Variants in INVS observed in about 807,000 individuals in gnomAD.
INVS encodes the protein inversin, also known as inversion of embryo turning homolog.
In INVS, 86 loss-of-function variants were observed where a neutral mutation model predicts 108.8. The ratio of observed to expected loss-of-function variants is 0.79; its 90% CI spans 0.66 to 0.95. The LOEUF is 0.95. INVS is among the 40% of genes least tolerant of loss of function. The pLI is 0.00. For synonymous variants in INVS, 455 were observed against 473.5 expected, an observed-to-expected ratio of 0.96 and a Z score of 0.51; for missense variants, 1,169 against 1,297.4, an observed-to-expected ratio of 0.90 and a Z score of 1.52.
rs1564198062 is a variant in INVS, at chr9:100,301,544, G to GA, written c.*872dup. 1.3e-5 allele frequency among the ~76,000 whole-genome samples: 2 copies of GA among 151,958 alleles called. No homozygotes were observed. Among genetic ancestry groups the GA allele is most frequent in the African/African-American group, 4.8e-5 (2 of 41,352 alleles). On this transcript the variant is annotated 3_prime_UTR_variant, in exon 17 of 17. Coordinates refer to ENST00000262457, the MANE Select transcript of INVS (RefSeq NM_014425.5). ...TTAAAATGCCATTTCTGTTGGCAGG[G>GA]AAGAATGAAACGGCACACATCCTAG...
chr9:100,178,733 G>A (rs562926027), intron 3 of INVS, among the ~76,000 whole-genome samples: 2 of 152,312 alleles, frequency 1.3e-5, no homozygotes, highest in South Asian at 2.1e-4. Flanking sequence ...TATTATCCGG[G>A]AGAACTTTCC....
chr9:100,246,698 C>A lies in INVS; in HGVS notation c.989C>A (p.Ala330Asp), dbSNP rs1233041318. The change falls in exon 8 of 17, where the codon GCT becomes GAT. Residue 330 changes from alanine to aspartate, a missense_variant. Coordinates refer to ENST00000262457, the MANE Select transcript of INVS (RefSeq NM_014425.5). Reference sequence around the variant, plus strand: ...GGAAGAACATCCTTTATGTGGGCAGCTGGCAAAGGCAGTGATGATGTCCTT... The same window carrying A: ...GGAAGAACATCCTTTATGTGGGCAGATGGCAAAGGCAGTGATGATGTCCTT... ...LEGRTSFMWA[A>D]GKGSDDVLRT... The A allele has an allele frequency of 3.7e-6, 6 of 1,613,486 alleles. No homozygotes were observed. The highest frequency in any genetic ancestry group is 5.1e-6 in the Non-Finnish European group (6 of 1,179,568).
At chr9:100,203,501 C>CTTTTTT (rs34618293) in intron 3 of INVS, among the ~76,000 whole-genome samples, 3 of 123,126 alleles carry the variant, frequency 2.4e-5, no homozygotes, top group African/African-American at 9.6e-5. Context: ...CCAAAGCTTC[C>CTTTTTT]TTTTTTTTTT....
chr9:100,224,226 C>T (rs1244165771), intron 3 of INVS, among the ~76,000 whole-genome samples: 1 of 152,138 alleles, frequency 6.6e-6, no homozygotes, highest in East Asian at 1.9e-4. Context: ...AAAATGTATT[C>T]CTTACTAATA....
intron 3 of INVS, among the ~76,000 whole-genome samples, chr9:100,142,652 G>C (rs1828470050): frequency 6.6e-6 from 1 of 151,598 alleles, no homozygotes; most frequent in African/African-American, 2.4e-5. Context: ...CCAGGGAGCA[G>C]AGAGTATATG....
chr9:100,156,323 C>T (rs1043269283), intron 3 of INVS, among the ~76,000 whole-genome samples: 2 of 137,854 alleles, frequency 1.5e-5, no homozygotes, highest in African/African-American at 2.9e-5. Flanking sequence ...TGCAGTGGTG[C>T]GGTCTCGGCT....
chr9:100,144,410 G>A (rs977830634), intron 3 of INVS, among the ~76,000 whole-genome samples: 21 of 152,138 alleles, frequency 1.4e-4, no homozygotes, highest in African/African-American at 4.3e-4. Context: ...TGTATATTGA[G>A]AATAAGATGG....
chr9:100,225,926 A>G (rs1165576496), intron 3 of INVS, 136 bp from the exon 4 acceptor site: 1 of 641,188 alleles, frequency 1.6e-6, no homozygotes. Flanking sequence ...TGGAATTACA[A>G]GCATTTTTCC....
At chr9:100,161,377 A>C (rs9776621) in intron 3 of INVS, among the ~76,000 whole-genome samples, 8 of 100,896 alleles carry the variant, frequency 7.9e-5, no homozygotes, top group African/African-American at 4.8e-4. Flanking sequence ...AAAAAAAAAA[A>C]AAAAAAAAAA....
chr9:100,293,509 T>C (rs1833691118), intron 14 of INVS, among the ~76,000 whole-genome samples: 1 of 152,214 alleles, frequency 6.6e-6, no homozygotes, highest in Non-Finnish European at 1.5e-5. Flanking sequence ...TTTATTTTTA[T>C]TCTTATGTCT....
chr9:100,277,585 T>C (rs1588141330), intron 12 of INVS, among the ~76,000 whole-genome samples: 1 of 152,212 alleles, frequency 6.6e-6, no homozygotes, highest in African/African-American at 2.4e-5. Context: ...AGAGGATCTA[T>C]AGATTTTTTT....
At chr9:100,107,254 C>T (rs1827210108) in intron 2 of INVS, among the ~76,000 whole-genome samples, 1 of 152,172 alleles carries the variant, frequency 6.6e-6, no homozygotes, top group South Asian at 2.1e-4. Flanking sequence ...AATAGGCTAT[C>T]TTGACTTTTA....
chr9:100,158,770 T>A (rs760809883), intron 3 of INVS, among the ~76,000 whole-genome samples: 2 of 152,222 alleles, frequency 1.3e-5, no homozygotes, highest in Non-Finnish European at 2.9e-5. Context: ...TGAAATTTGA[T>A]CCCCAGTGGT....
chr9:100,162,324 G>A (rs1263105611), intron 3 of INVS, among the ~76,000 whole-genome samples: 2 of 152,098 alleles, frequency 1.3e-5, no homozygotes, highest in African/African-American at 2.4e-5. Flanking sequence ...TACACATCAA[G>A]CAGTCTTACA....
intron 3 of INVS, among the ~76,000 whole-genome samples, chr9:100,138,094 A>G (rs557035016): frequency 1.3e-5 from 2 of 152,274 alleles, no homozygotes; most frequent in East Asian, 3.9e-4. Context: ...AGTGACTTTA[A>G]CTTTCTTTTT....
Position 100,131,834 on chromosome 9 carries a change from T to C in INVS, c.273+5285T>C, listed in dbSNP as rs41274947. ...CTTTTTTTAAATTCATAAATAATTC[T>C]CAGTTCATCTATGAAAATTGAATGT... On this transcript the variant is annotated intron_variant, in intron 3 of 16. Transcript: ENST00000262457. 4,983 of 650,320 alleles carry C rather than the reference T, an allele frequency of 7.7e-3. 26 individuals are homozygous for C. Among genetic ancestry groups the C allele is most frequent in the Non-Finnish European group, 9.0e-3 (4,719 of 523,642 alleles). 40.3% of individuals were successfully genotyped at this position (650,320 alleles called of 1,614,324 possible). A position where few individuals can be genotyped will look rare whatever the true frequency, so the allele number is the denominator to read the frequency against.
intron 2 of INVS, chr9:100,120,999 A>G (rs1022809714): frequency 1.5e-4 from 23 of 152,214 alleles, no homozygotes; most frequent in African/African-American, 4.6e-4. Flanking sequence ...GGAAAGAACT[A>G]TGTAGCCCAG....
intron 3 of INVS, among the ~76,000 whole-genome samples, chr9:100,166,727 A>T (rs1456122868): frequency 6.6e-6 from 1 of 152,192 alleles, no homozygotes; most frequent in African/African-American, 2.4e-5. Context: ...CCAGAATGCA[A>T]CCACTTTTCT....
intron 3 of INVS, among the ~76,000 whole-genome samples, chr9:100,170,980 C>G (rs1829525846): frequency 6.6e-6 from 1 of 152,132 alleles, no homozygotes; most frequent in Non-Finnish European, 1.5e-5. Flanking sequence ...GGCATCTAAG[C>G]CATCCTGGGG....
Sources: gnomAD v4.1 joint callset for allele counts (sites outside exome capture counted in the v4.1 genomes callset) on GRCh38, gnomAD v4.1.1 for gene constraint, MANE v1.5 for transcripts, NCBI Gene and HGNC (gene_info 2026-07-23, HGNC 2026-07-21) for gene names.